The following CNTNAP2 variants were observed in gnomAD, a reference collection of about 807,000 sequenced individuals.
CNTNAP2 encodes contactin associated protein 2, also known as contactin-associated protein-like 2.
A neutral mutation model predicts 155.2 loss-of-function variants in CNTNAP2; 98 were observed. That is an observed-to-expected ratio of 0.63 (90% confidence interval 0.54 to 0.75). CNTNAP2 has a LOEUF of 0.75. Ranked by LOEUF, CNTNAP2 falls within the 30% of genes least tolerant of loss-of-function variation. CNTNAP2 has a pLI of 0.00. For synonymous variants in CNTNAP2, 651 were observed against 631.2 expected (o/e 1.03, Z -0.47); for missense variants, 1,727 against 1,688.1 (o/e 1.02, Z -0.40).
At chr7:147,635,402 G>A (rs759750331) in intron 12 of CNTNAP2, among the ~76,000 whole-genome samples, 3 of 151,756 alleles carry the variant, frequency 2.0e-5, no homozygotes, top group Non-Finnish European at 4.4e-5. Flanking sequence ...GGGATTACAG[G>A]CATGAGCCAC....
chr7:148,273,306 T>C (rs1165415624), intron 21 of CNTNAP2, among the ~76,000 whole-genome samples: 1 of 152,200 alleles, frequency 6.6e-6, no homozygotes, highest in Non-Finnish European at 1.5e-5. Flanking sequence ...GGGTCTCCTG[T>C]TCCATTGGCA....
chr7:148,314,384 T>G lies in CNTNAP2; in HGVS notation c.3475+47258T>G, dbSNP rs1296011106. ...ATTGAAAGTGCCATTTTCTGGCTAT[T>G]TGGAACCACTGTCAAGTTTGTACTG... is the stretch of plus-strand genomic sequence containing the variant. On this transcript the variant is annotated intron_variant, in intron 21 of 23. Transcript: ENST00000361727. 2.0e-5 allele frequency among the ~76,000 whole-genome samples: 3 copies of G among 152,306 alleles called. No homozygotes were observed. In the South Asian group the frequency reaches 6.2e-4, roughly 32 times the overall value.
chr7:146,345,530 A>G (rs1248904548), intron 1 of CNTNAP2, among the ~76,000 whole-genome samples: 1 of 152,148 alleles, frequency 6.6e-6, no homozygotes, highest in Admixed American at 6.5e-5. Context: ...CGCTGAAGAG[A>G]GAAAACACAC....
rs369384430 is a variant in CNTNAP2, at chr7:147,665,467, A to G, written c.2098+26161A>G. 3.9e-5 allele frequency among the ~76,000 whole-genome samples: 6 copies of G among 152,084 alleles called. No individual in the cohort carries two copies. The East Asian group carries it at 1.2e-3, about 29-fold the overall frequency. ...AATATATATTCTTTTCCTTCCTCTT[A>G]TTTTTAAACTTCTATTTTAAGTTTA... On this transcript the variant is annotated intron_variant, in intron 13 of 23. Transcript: ENST00000361727.
In CNTNAP2 at chr7:148,209,664, C is replaced by T. The variant is rs58966541; in HGVS notation, c.3011-7624C>T. ...TTGCATAGCCTATTCAATGGTCTAC[C>T]TATATTCCCTCTTTTCTCTTTCCAA... On this transcript the variant is annotated intron_variant, in intron 18 of 23. Coordinates refer to ENST00000361727, the MANE Select transcript of CNTNAP2 (RefSeq NM_014141.6). Among the ~76,000 whole-genome samples the T allele has an allele frequency of 8.1e-3, 1,239 of 152,188 alleles. 12 individuals are homozygous for T. The highest frequency in any genetic ancestry group is 0.029 in the African/African-American group (1,192 of 41,516).
chr7:147,705,049 C>T (rs1482193569), intron 13 of CNTNAP2, among the ~76,000 whole-genome samples: 1 of 151,440 alleles, frequency 6.6e-6, no homozygotes, highest in Non-Finnish European at 1.5e-5. Flanking sequence ...TTTTTTAAGT[C>T]TCTGTTTCGT....
intron 1 of CNTNAP2, among the ~76,000 whole-genome samples, chr7:146,593,954 A>G (rs558010546): frequency 2.0e-5 from 3 of 152,242 alleles, no homozygotes; most frequent in Non-Finnish European, 4.4e-5. Flanking sequence ...TCTGATCACC[A>G]TCAATATCTA....
At chr7:146,528,171 A>G (rs868113522) in intron 1 of CNTNAP2, among the ~76,000 whole-genome samples, 18 of 152,304 alleles carry the variant, frequency 1.2e-4, no homozygotes, top group Middle Eastern at 3.4e-3. Flanking sequence ...GTAGTGGCTT[A>G]GAGAAATCCA....
intron 14 of CNTNAP2, among the ~76,000 whole-genome samples, chr7:147,920,190 T>C (rs567700648): frequency 6.6e-6 from 1 of 151,600 alleles, no homozygotes; most frequent in East Asian, 2.0e-4. Context: ...AACCCGTCTC[T>C]ACTAAAAATA....
chr7:147,919,519 C>T (rs561979500), intron 14 of CNTNAP2, among the ~76,000 whole-genome samples: 36 of 133,932 alleles, frequency 2.7e-4, no homozygotes, highest in African/African-American at 9.5e-4. Context: ...AGTGCAGTGG[C>T]GCAATCTCTG....
At chr7:147,117,339 A>C (rs1273658219) in intron 5 of CNTNAP2, among the ~76,000 whole-genome samples, 4 of 152,126 alleles carry the variant, frequency 2.6e-5, no homozygotes, top group Non-Finnish European at 2.9e-5. Context: ...CCATGGGAGA[A>C]GCATGGTTTC....
intron 3 of CNTNAP2, among the ~76,000 whole-genome samples, chr7:146,928,628 C>A (rs893519838): frequency 1.3e-5 from 2 of 152,164 alleles, no homozygotes; most frequent in African/African-American, 2.4e-5. Flanking sequence ...CGAAGCAGGG[C>A]GAGGCATTGC....
chr7:146,129,236 A>G (rs577541681), intron 1 of CNTNAP2, among the ~76,000 whole-genome samples: 49 of 152,312 alleles, frequency 3.2e-4, no homozygotes, highest in Admixed American at 3.1e-3. Flanking sequence ...AGAATCATGT[A>G]TCTACTTTCA....
At chr7:146,407,067 T>C (rs1178389434) in intron 1 of CNTNAP2, among the ~76,000 whole-genome samples, 1 of 152,208 alleles carries the variant, frequency 6.6e-6, no homozygotes, top group Admixed American at 6.5e-5. Context: ...CTTGGGTACT[T>C]GACGGCAGAG....
chr7:147,658,862 T>C (rs1196579155), intron 13 of CNTNAP2, among the ~76,000 whole-genome samples: 5 of 152,234 alleles, frequency 3.3e-5, no homozygotes, highest in Non-Finnish European at 5.9e-5. Context: ...CAGTGGGGTC[T>C]TGCTGGCCTG....
intron 8 of CNTNAP2, among the ~76,000 whole-genome samples, chr7:147,141,788 T>C (rs1801602844): frequency 6.6e-6 from 1 of 152,150 alleles, no homozygotes; most frequent in South Asian, 2.1e-4. Context: ...GATGTCCTTA[T>C]CATGTCCATT....
At chr7:148,367,221 C>T (rs1798799738) in intron 21 of CNTNAP2, among the ~76,000 whole-genome samples, 1 of 151,048 alleles carries the variant, frequency 6.6e-6, no homozygotes, top group Non-Finnish European at 1.5e-5. Flanking sequence ...CAGAACAAGA[C>T]TCTGTCTCAA....
At chr7:147,623,764 A>C (rs111431361) in intron 12 of CNTNAP2, among the ~76,000 whole-genome samples, 13,616 of 151,834 alleles carry the variant, frequency 0.09, 1,688 homozygotes, top group African/African-American at 0.26. Flanking sequence ...TTAAATTTAA[A>C]ATTAAAATTT....
intron 21 of CNTNAP2, among the ~76,000 whole-genome samples, chr7:148,361,736 C>T (rs1798625209): frequency 1.3e-5 from 2 of 152,126 alleles, no homozygotes; most frequent in Admixed American, 1.3e-4. Flanking sequence ...GAAGAAATGC[C>T]CAAGACTGGG....
Sources: gnomAD v4.1 joint callset for allele counts (sites outside exome capture counted in the v4.1 genomes callset) on GRCh38, gnomAD v4.1.1 for gene constraint, MANE v1.5 for transcripts, NCBI Gene and HGNC (gene_info 2026-07-23, HGNC 2026-07-21) for gene names.